The following APAF1 variants were observed in gnomAD, a reference collection of about 807,000 sequenced individuals.
APAF1 encodes the protein apoptotic peptidase activating factor 1.
Under a neutral mutation model 152.4 loss-of-function variants are expected in APAF1, and 91 were observed. The ratio of observed to expected loss-of-function variants is 0.60; its 90% CI spans 0.50 to 0.71. APAF1 has a LOEUF of 0.71. Ranked by LOEUF, APAF1 falls within the 30% of genes least tolerant of loss-of-function variation. The pLI is 0.00. For synonymous variants in APAF1, 484 were observed against 494.1 expected (o/e 0.98, Z 0.27); for missense variants, 1,283 against 1,472.0 (o/e 0.87, Z 2.10).
At chr12:98,683,621 C>A (rs2097694815) in intron 15 of APAF1, among the ~76,000 whole-genome samples, 1 of 152,308 alleles carries the variant, frequency 6.6e-6, no homozygotes, top group Middle Eastern at 3.4e-3. Flanking sequence ...AGCTCACAAT[C>A]ACAGAGTAAG....
chr12:98,695,077 G>C (rs1430115519), intron 16 of APAF1, among the ~76,000 whole-genome samples: 1 of 149,642 alleles, frequency 6.7e-6, no homozygotes, highest in African/African-American at 2.5e-5. Context: ...TCCCGAGATG[G>C]AGTCTTGCTC....
At chr12:98,694,496 T>A (rs2097707656) in intron 16 of APAF1, among the ~76,000 whole-genome samples, 1 of 152,200 alleles carries the variant, frequency 6.6e-6, no homozygotes, top group South Asian at 2.1e-4. Context: ...TGCCCTACTT[T>A]TTGAAAGATT....
chr12:98,674,622 T>C (rs1301046006), intron 12 of APAF1, among the ~76,000 whole-genome samples: 2 of 152,216 alleles, frequency 1.3e-5, no homozygotes, highest in African/African-American at 4.8e-5. Flanking sequence ...TAGAATAGTT[T>C]GGAGGTTAAA....
chr12:98,710,547 A>G (rs937787598), intron 20 of APAF1, among the ~76,000 whole-genome samples: 2 of 152,206 alleles, frequency 1.3e-5, no homozygotes, highest in African/African-American at 2.4e-5. Flanking sequence ...ATTGAGACAG[A>G]TGGACAGAGG....
Position 98,692,146 on chromosome 12 carries a change from G to A in APAF1, c.2304+5273G>A, listed in dbSNP as rs911168804. ...TGCTGAGGCTGGAGTGCAGTGGCGC[G>A]ATCTCGGCTCACTGCAAGCTCCGCC... On this transcript the variant is annotated intron_variant, in intron 16 of 26. Coordinates refer to ENST00000551964, the MANE Select transcript of APAF1 (RefSeq NM_181861.2). Among the ~76,000 whole-genome samples the A allele has an allele frequency of 2.6e-5, 4 of 151,732 alleles. 1 individual carries two copies. Among genetic ancestry groups the A allele is most frequent in the Non-Finnish European group, 4.4e-5 (3 of 68,020 alleles).
intron 7 of APAF1, among the ~76,000 whole-genome samples, chr12:98,664,906 A>C (rs531599884): frequency 1.3e-5 from 2 of 152,332 alleles, no homozygotes; most frequent in South Asian, 4.1e-4. Flanking sequence ...AAAATTTACC[A>C]GTGGCATAAT....
chr12:98,707,989 C>T (rs944637123), intron 19 of APAF1, among the ~76,000 whole-genome samples: 3 of 152,190 alleles, frequency 2.0e-5, no homozygotes, highest in African/African-American at 7.2e-5. Flanking sequence ...CTCTGTCGCC[C>T]AGGCTGGAGT....
At position 98,671,565 on chromosome 12, in the gene APAF1, T is replaced by A. The variant is rs376175905; in HGVS notation, c.1639T>A (p.Phe547Ile). The A allele has an allele frequency of 1.6e-5, 26 of 1,613,856 alleles. No homozygotes were observed. Among genetic ancestry groups the A allele is most frequent in the Non-Finnish European group, 1.4e-5 (17 of 1,179,992 alleles). Residue 547 changes from phenylalanine (F) to isoleucine (I), a missense_variant, in exon 12 of 27, where the codon TTT becomes ATT. By Grantham distance (21) the Phe-to-Ile change is conservative. Coordinates refer to ENST00000551964, the MANE Select transcript of APAF1 (RefSeq NM_181861.2). ...TGCAGTCAGTGAGAATTTTCAGGAG[T>A]TTTTATCTTTAAATGGACACCTTCT... ...DCAVSENFQE[F>I]LSLNGHLLGR...
chr12:98,650,101 G>T (rs750427694), intron 4 of APAF1, among the ~76,000 whole-genome samples: 1 of 152,170 alleles, frequency 6.6e-6, no homozygotes, highest in Non-Finnish European at 1.5e-5. Flanking sequence ...GTTCTAGGCT[G>T]CCCCCATTCA....
At chr12:98,662,415 G>A in intron 5 of APAF1, 41 bp from the exon 6 acceptor site, 1 of 1,414,118 alleles carries the variant, frequency 7.1e-7, no homozygotes, top group Non-Finnish European at 1.0e-6. Flanking sequence ...GGAAGCTTAA[G>A]ATAAGTGTCA....
chr12:98,669,217 G>C (rs978893812), intron 10 of APAF1, among the ~76,000 whole-genome samples: 2 of 152,056 alleles, frequency 1.3e-5, no homozygotes, highest in Admixed American at 6.6e-5. Context: ...GAGCATTCTT[G>C]TTTATCTTTG....
At chr12:98,703,271 CAT>C in intron 17 of APAF1, 98 bp from the exon 18 acceptor site, 1 of 1,318,252 alleles carries the variant, frequency 7.6e-7, no homozygotes, top group South Asian at 1.2e-5. Context: ...CAGTAATTGT[CAT>C]ATTTTTTTCA....
chr12:98,684,501 T>TCC (rs2097695906), intron 15 of APAF1, among the ~76,000 whole-genome samples: 1 of 102,730 alleles, frequency 9.7e-6, no homozygotes. Context: ...TCCCTCCTCC[T>TCC]CCCCCCACCC....
chr12:98,662,057 A>T (rs1219608217), intron 5 of APAF1, among the ~76,000 whole-genome samples: 3 of 151,734 alleles, frequency 2.0e-5, no homozygotes, highest in South Asian at 4.1e-4. Flanking sequence ...TGTATGATTC[A>T]TTCTAATGCT....
At chr12:98,730,117 AG>A (rs1229109131) in intron 26 of APAF1, among the ~76,000 whole-genome samples, 1 of 152,248 alleles carries the variant, frequency 6.6e-6, no homozygotes, top group Non-Finnish European at 1.5e-5. Flanking sequence ...TTTTTAAAAA[AG>A]AAAGGATGTA....
chr12:98,652,315 C>T (rs1030918067), intron 4 of APAF1, among the ~76,000 whole-genome samples: 1 of 152,142 alleles, frequency 6.6e-6, no homozygotes, highest in African/African-American at 2.4e-5. Context: ...CTGTACATTT[C>T]CCCCAGATGA....
chr12:98,679,593 A>G (rs2097690196), intron 13 of APAF1, among the ~76,000 whole-genome samples: 1 of 152,232 alleles, frequency 6.6e-6, no homozygotes, highest in African/African-American at 2.4e-5. Flanking sequence ...GAAGATAAGT[A>G]AAGAAAAGCT....
intron 12 of APAF1, among the ~76,000 whole-genome samples, chr12:98,676,696 G>T (rs948159353): frequency 6.6e-6 from 1 of 150,926 alleles, no homozygotes; most frequent in Non-Finnish European, 1.5e-5. Context: ...GCCCAGGCTG[G>T]AGTGCAGTGG....
rs528420939 is a variant in APAF1, at chr12:98,735,349, A to AT, written c.*2790dup. 1.4e-4 allele frequency: 58 copies of AT among 420,716 alleles called. No homozygotes were observed. The highest frequency in any genetic ancestry group is 2.8e-4 in the African/African-American group (14 of 49,476). The allele number at this position is 420,716 out of a possible 1,614,324, so 26.1% of individuals were successfully genotyped here. On this transcript the variant is annotated 3_prime_UTR_variant, in exon 27 of 27. Transcript: ENST00000551964. ...TTGTATTTATGATATAGCTTATATG[A>AT]TTTTTTTGCCTTGGTATACATTTTA...
Sources: gnomAD v4.1 joint callset for allele counts (sites outside exome capture counted in the v4.1 genomes callset) on GRCh38, gnomAD v4.1.1 for gene constraint, MANE v1.5 for transcripts, NCBI Gene and HGNC (gene_info 2026-07-23, HGNC 2026-07-21) for gene names.